SORCS3: variants seen among roughly 807,000 people sequenced by gnomAD.
SORCS3 encodes the protein VPS10 domain-containing receptor SorCS3.
A neutral mutation model predicts 146.3 loss-of-function variants in SORCS3; 57 were observed. The ratio of observed to expected loss-of-function variants is 0.39; its 90% CI spans 0.31 to 0.49. The LOEUF is 0.49. SORCS3 is among the 20% of genes least tolerant of loss of function. The pLI is 0.92. For synonymous variants in SORCS3, 653 were observed against 618.5 expected, an observed-to-expected ratio of 1.06 and a Z score of -0.83; for missense variants, 1,341 against 1,575.5, an observed-to-expected ratio of 0.85 and a Z score of 2.52.
chr10:105,147,152 C>A (rs867569311), intron 8 of SORCS3, among the ~76,000 whole-genome samples: 4 of 152,218 alleles, frequency 2.6e-5, no homozygotes, highest in Middle Eastern at 3.4e-3. Flanking sequence ...TTGGTTATAC[C>A]TCCATGCCAC....
intron 5 of SORCS3, among the ~76,000 whole-genome samples, chr10:105,052,620 T>C (rs1235782840): frequency 4.6e-5 from 7 of 152,086 alleles, no homozygotes; most frequent in Non-Finnish European, 8.8e-5. Context: ...GGAACTCAGA[T>C]TGCCTTCAGT....
chr10:104,806,787 T>C (rs1169167225), intron 1 of SORCS3, among the ~76,000 whole-genome samples: 1 of 152,202 alleles, frequency 6.6e-6, no homozygotes, highest in Non-Finnish European at 1.5e-5. Flanking sequence ...ATCATAAAGA[T>C]AGGAACAGTT....
At chr10:104,828,591 G>A in intron 1 of SORCS3, among the ~76,000 whole-genome samples, 1 of 152,094 alleles carries the variant, frequency 6.6e-6, no homozygotes, top group South Asian at 2.1e-4. Flanking sequence ...GACACAAGGT[G>A]GGCACATGCT....
At chr10:104,840,655 G>A (rs2018127362) in intron 1 of SORCS3, among the ~76,000 whole-genome samples, 2 of 152,248 alleles carry the variant, frequency 1.3e-5, no homozygotes, top group Non-Finnish European at 2.9e-5. Context: ...AGTGGTCCAA[G>A]CTTTGAGTAA....
At chr10:104,720,740 T>C (rs2133444650) in intron 1 of SORCS3, among the ~76,000 whole-genome samples, 1 of 152,366 alleles carries the variant, frequency 6.6e-6, no homozygotes, top group East Asian at 1.9e-4. Flanking sequence ...TGATGAGCAT[T>C]TTTCCATGTG....
intron 4 of SORCS3, among the ~76,000 whole-genome samples, chr10:105,035,380 T>C (rs969047751): frequency 6.6e-6 from 1 of 152,186 alleles, no homozygotes; most frequent in Admixed American, 6.5e-5. Context: ...TGGAAAACTT[T>C]GGGAAGCTGT....
rs573478067 is a variant in SORCS3 at position 105,108,652 on chromosome 10, A to G, written c.1212+3137A>G. Among the ~76,000 whole-genome samples, 117 of 152,326 alleles carry G rather than the reference A, an allele frequency of 7.7e-4. 1 individual carries two copies. The Middle Eastern group carries it at 0.014, about 18-fold the overall frequency. ...CTTGAAGGCTTTATTTTTACTATCA[A>G]TGATGTGGGAACCAATGGATTAACA... On this transcript the variant is annotated intron_variant, in intron 7 of 26. Coordinates refer to ENST00000369701, the MANE Select transcript of SORCS3 (RefSeq NM_014978.3).
chr10:105,240,732 A>G (rs1268012414), intron 20 of SORCS3, among the ~76,000 whole-genome samples: 1 of 152,050 alleles, frequency 6.6e-6, no homozygotes, highest in Non-Finnish European at 1.5e-5. Context: ...AGTTTTGGAA[A>G]AGACATTCAC....
intron 3 of SORCS3, among the ~76,000 whole-genome samples, chr10:104,917,704 CTT>C (rs1454728810): frequency 1.3e-5 from 2 of 152,306 alleles, no homozygotes; most frequent in Non-Finnish European, 2.9e-5. Context: ...GAGATTAACT[CTT>C]TTAGATTCCA....
chr10:104,894,709 T>A (rs2018782040), intron 2 of SORCS3, among the ~76,000 whole-genome samples: 1 of 152,134 alleles, frequency 6.6e-6, no homozygotes, highest in Non-Finnish European at 1.5e-5. Flanking sequence ...ACAGTCATGA[T>A]GATTCGAATG....
At chr10:104,643,150 C>A (rs1047449809) in intron 1 of SORCS3, among the ~76,000 whole-genome samples, 3 of 152,188 alleles carry the variant, frequency 2.0e-5, no homozygotes, top group African/African-American at 7.2e-5. Flanking sequence ...ACGCTCCAGG[C>A]GGAGGATGAC....
intron 1 of SORCS3, among the ~76,000 whole-genome samples, chr10:104,763,317 TTGATTA>T (rs2017143443): frequency 6.6e-6 from 1 of 152,224 alleles, no homozygotes; most frequent in Non-Finnish European, 1.5e-5. Flanking sequence ...TCAACACTTG[TTGATTA>T]AAATCTATCA....
intron 5 of SORCS3, among the ~76,000 whole-genome samples, chr10:105,081,363 G>C (rs892060715): frequency 6.6e-6 from 1 of 152,126 alleles, no homozygotes; most frequent in Non-Finnish European, 1.5e-5. Flanking sequence ...TTATGAAGAG[G>C]CTGGTACTAA....
At chr10:104,922,570 T>G (rs2019097813) in intron 3 of SORCS3, among the ~76,000 whole-genome samples, 1 of 152,234 alleles carries the variant, frequency 6.6e-6, no homozygotes, top group Admixed American at 6.5e-5. Flanking sequence ...TGTTGTCATG[T>G]GAAAATGAGG....
At chr10:104,979,958 G>A (rs940595715) in intron 4 of SORCS3, among the ~76,000 whole-genome samples, 1 of 152,142 alleles carries the variant, frequency 6.6e-6, no homozygotes, top group Non-Finnish European at 1.5e-5. Context: ...TGGGTTAGAG[G>A]CAACAGACTA....
intron 1 of SORCS3, among the ~76,000 whole-genome samples, chr10:104,796,687 G>A (rs1398642354): frequency 6.6e-6 from 1 of 152,142 alleles, no homozygotes; most frequent in Non-Finnish European, 1.5e-5. Flanking sequence ...TAGTATACAT[G>A]TTACATAAAT....
chr10:104,699,165 G>A (rs577079803), intron 1 of SORCS3, among the ~76,000 whole-genome samples: 4 of 152,242 alleles, frequency 2.6e-5, no homozygotes, highest in African/African-American at 9.6e-5. Context: ...AAGGATAAAA[G>A]CCTGGACCAC....
At chr10:104,907,596 C>A (rs2018919859) in intron 2 of SORCS3, among the ~76,000 whole-genome samples, 1 of 152,166 alleles carries the variant, frequency 6.6e-6, no homozygotes, top group South Asian at 2.1e-4. Context: ...CCAAAGACAG[C>A]AAACCTCCAA....
intron 13 of SORCS3, among the ~76,000 whole-genome samples, chr10:105,172,329 G>A (rs546147136): frequency 7.9e-5 from 12 of 152,240 alleles, no homozygotes; most frequent in African/African-American, 2.4e-4. Context: ...TTTATCTAGC[G>A]TTAGAATAGG....
Sources: gnomAD v4.1 joint callset for allele counts (sites outside exome capture counted in the v4.1 genomes callset) on GRCh38, gnomAD v4.1.1 for gene constraint, MANE v1.5 for transcripts, NCBI Gene and HGNC (gene_info 2026-07-23, HGNC 2026-07-21) for gene names.